Variants in OR5B12 observed in about 807,000 individuals in gnomAD.
The protein encoded by OR5B12 is olfactory receptor 5B12.
For synonymous variants in OR5B12, 154 were observed against 138.0 expected (o/e 1.12, Z -0.81); for missense variants, 418 against 377.0 (o/e 1.11, Z -0.90).
In OR5B12 at chr11:58,439,911, C is replaced by T; in HGVS notation, c.241G>A (p.Val81Met). 6.2e-7 allele frequency: 1 copy of T among 1,614,086 alleles called. No homozygotes were observed. The highest frequency in any genetic ancestry group is 8.5e-7 in the Non-Finnish European group (1 of 1,180,018). ...YSSAVTPKVM[V>M]GFLTGDKFIL... ...AATTTGTCTCCTGTGAGAAACCCCA[C>T]CATCACCTTGGGAGTGACAGCTGAG... Residue 81 changes from valine to methionine, a missense_variant, in exon 2 of 2, where the codon GTG becomes ATG. Physicochemically the swap from Val to Met is conservative, Grantham distance 21. Transcript: ENST00000641921.
intron 1 of OR5B12, among the ~76,000 whole-genome samples, chr11:58,441,054 C>T: frequency 6.6e-6 from 1 of 151,812 alleles, no homozygotes; most frequent in East Asian, 1.9e-4. Flanking sequence ...CTTATTTGCT[C>T]AGAACTGTGT....
rs1855483961 is a variant in OR5B12, at chr11:58,440,023, C to T, written c.129G>A (p.Met43Ile). Residue 43 changes from methionine to isoleucine, a missense_variant, in exon 2 of 2, where the codon ATG becomes ATA. Met to Ile is a conservative substitution (Grantham distance 10). Transcript: ENST00000641921. Reference sequence around the variant, plus strand: ...AGGAGTCCAGTAGAATCAATTCAATCATCCCCAGGTTCCCAACCAGAGTGA... The same window carrying T: ...AGGAGTCCAGTAGAATCAATTCAATTATCCCCAGGTTCCCAACCAGAGTGA... ...YLITLVGNLG[M>I]IELILLDSCL... The T allele has an allele frequency of 8.1e-6, 13 of 1,614,114 alleles. No homozygotes were observed. Among genetic ancestry groups the T allele is most frequent in the Non-Finnish European group, 1.1e-5 (13 of 1,180,006 alleles).
At position 58,442,172 on chromosome 11, in the gene OR5B12, A is replaced by G. The variant is rs1187084353; in HGVS notation, c.-146T>C. ...GAGACTGTTCTTTAGCGTTTGGCCA[A>G]AAGGCTTAAAGTTCTTTAGAGGCAG... On this transcript the variant is annotated 5_prime_UTR_variant, in exon 1 of 2. Transcript: ENST00000641921. The G allele has an allele frequency of 2.0e-5, 3 of 152,202 alleles. No homozygotes were observed. The highest frequency in any genetic ancestry group is 2.9e-5 in the Non-Finnish European group (2 of 68,008). The allele number at this position is 152,202 out of a possible 1,614,324, so 9.4% of individuals were successfully genotyped here. A position where few individuals can be genotyped will look rare whatever the true frequency, so the allele number is the denominator to read the frequency against.
In OR5B12 at chr11:58,439,047, C is replaced by CA. The variant is rs1174718668; in HGVS notation, c.*159dup. ...ATTTAAAATGTCCAGATTTTAACAACAAAAAAAGTGTCACTTAAAGAATGA... is the reference window on the plus strand; with the variant it reads ...ATTTAAAATGTCCAGATTTTAACAACAAAAAAAAGTGTCACTTAAAGAATGA... On this transcript the variant is annotated 3_prime_UTR_variant, in exon 2 of 2. Coordinates refer to ENST00000641921, the MANE Select transcript of OR5B12 (RefSeq NM_001004733.3). 6.8e-5 allele frequency: 29 copies of CA among 429,142 alleles called. No individual in the cohort carries two copies. Among genetic ancestry groups the CA allele is most frequent in the Middle Eastern group, 6.2e-4 (1 of 1,616 alleles). 26.6% of individuals were successfully genotyped at this position (429,142 alleles called of 1,614,324 possible).
Position 58,440,074 on chromosome 11 carries a change from G to C in OR5B12, c.78C>G (p.Phe26Leu), listed in dbSNP as rs138303293. The change falls in exon 2 of 2, where the codon TTC becomes TTG. Residue 26 changes from phenylalanine (F) to leucine (L), a missense_variant. Transcript: ENST00000641921. ...TDDPELQIPL[F>L]IVFLFIYLIT... ...TGAGGTAGATGAAAAGGAAGACTATGAAGAGTGGGATCTGCAGTTCTGGGT... is the reference window on the plus strand; with the variant it reads ...TGAGGTAGATGAAAAGGAAGACTATCAAGAGTGGGATCTGCAGTTCTGGGT... 1 of 1,614,090 alleles carries C rather than the reference G, an allele frequency of 6.2e-7. No homozygotes were observed. The highest frequency in any genetic ancestry group is 8.5e-7 in the Non-Finnish European group (1 of 1,179,956).
chr11:58,439,410 T>A lies in OR5B12; in HGVS notation c.742A>T (p.Ile248Phe). Residue 248 changes from isoleucine to phenylalanine, a missense_variant, in exon 2 of 2, where the codon ATC (isoleucine) becomes TTC (phenylalanine). Transcript: ENST00000641921. ...ATAAAGATTCCTGTCCCATAAAAGA[T>A]GGAAACTGCAGTAAGGTGGGAAGCA... ...TCASHLTAVS[I>F]FYGTGIFMYL... The A allele has an allele frequency of 1.2e-6, 2 of 1,613,976 alleles. No homozygotes were observed. The highest frequency in any genetic ancestry group is 1.7e-6 in the Non-Finnish European group (2 of 1,179,996).
At chr11:58,441,704 T>G (rs1590718044) in intron 1 of OR5B12, among the ~76,000 whole-genome samples, 3 of 152,184 alleles carry the variant, frequency 2.0e-5, no homozygotes. Context: ...TTTAAAATAT[T>G]ATGTAAAATT....
Position 58,439,204 on chromosome 11 carries a change from T to A in OR5B12, c.*3A>T. The A allele has an allele frequency of 6.9e-7, 1 of 1,456,846 alleles. No homozygotes were observed. Among genetic ancestry groups the A allele is most frequent in the Non-Finnish European group, 9.4e-7 (1 of 1,067,940 alleles). 90.2% of individuals were successfully genotyped at this position (1,456,846 alleles called of 1,614,324 possible). ...AAATTATCTTATTGTGAATTCTTTA[T>A]AATTAAAATATGAATCCTATAGAGG... On this transcript the variant is annotated 3_prime_UTR_variant, in exon 2 of 2. Coordinates refer to ENST00000641921, the MANE Select transcript of OR5B12 (RefSeq NM_001004733.3).
chr11:58,439,868 C>A lies in OR5B12; in HGVS notation c.284G>T (p.Cys95Phe). The A allele has an allele frequency of 6.2e-7, 1 of 1,614,128 alleles. No homozygotes were observed. The highest frequency in any genetic ancestry group is 8.5e-7 in the Non-Finnish European group (1 of 1,180,038). Reference protein sequence around the residue: ...TGDKFILYNACATQFFFFVAF... With the variant: ...TGDKFILYNAFATQFFFFVAF... ...TACAAAGAAGAAGAATTGTGTGGCA[C>A]AAGCATTATATAATATGAATTTGTC... is the stretch of plus-strand genomic sequence containing the variant. The change falls in exon 2 of 2, where the codon TGT (cysteine) becomes TTT (phenylalanine). Residue 95 changes from cysteine to phenylalanine, a missense_variant. Coordinates refer to ENST00000641921, the MANE Select transcript of OR5B12 (RefSeq NM_001004733.3).
intron 1 of OR5B12, 142 bp from the exon 2 acceptor site, chr11:58,440,312 G>T: frequency 1.9e-6 from 1 of 514,830 alleles, no homozygotes; most frequent in East Asian, 3.0e-5. Context: ...GCCCATGACC[G>T]CAAAATGCAA....
chr11:58,439,757 G>T lies in OR5B12; in HGVS notation c.395C>A (p.Thr132Asn). ...AALCKPLHYT[T>N]TMTTNVCACL... is the part of the protein sequence containing the mutation. Reference sequence around the variant, plus strand: ...AGCACATACATTTGTTGTCATGGTGGTGGTGTAATGCAGGGGTTTACACAA... The same window carrying T: ...AGCACATACATTTGTTGTCATGGTGTTGGTGTAATGCAGGGGTTTACACAA... The change falls in exon 2 of 2, where the codon ACC becomes AAC. Residue 132 changes from threonine to asparagine, a missense_variant. Coordinates refer to ENST00000641921, the MANE Select transcript of OR5B12 (RefSeq NM_001004733.3). 1 of 1,614,216 alleles carries T rather than the reference G, an allele frequency of 6.2e-7. No individual in the cohort carries two copies. The highest frequency in any genetic ancestry group is 8.5e-7 in the Non-Finnish European group (1 of 1,180,040).
At position 58,439,009 on chromosome 11, in the gene OR5B12, G is replaced by C. The variant is rs1252086904; in HGVS notation, c.*198C>G. Reference sequence around the variant, plus strand: ...AGGAGAGATCTGATTTTTAGAATATGCTATTTTTTATTATTTAAAATGTCC... The same window carrying C: ...AGGAGAGATCTGATTTTTAGAATATCCTATTTTTTATTATTTAAAATGTCC... On this transcript the variant is annotated 3_prime_UTR_variant, in exon 2 of 2. Coordinates refer to ENST00000641921, the MANE Select transcript of OR5B12 (RefSeq NM_001004733.3). 5.4e-6 allele frequency: 2 copies of C among 372,368 alleles called. No individual in the cohort carries two copies. The highest frequency in any genetic ancestry group is 9.6e-6 in the Non-Finnish European group (2 of 208,986). 23.1% of individuals were successfully genotyped at this position (372,368 alleles called of 1,614,324 possible).
Position 58,439,374 on chromosome 11 carries a change from G to T in OR5B12, c.778C>A (p.Pro260Thr). 1 of 1,614,060 alleles carries T rather than the reference G, an allele frequency of 6.2e-7. No homozygotes were observed. Reference protein sequence around the residue: ...YGTGIFMYLRPNSSHFMGTDK... With the variant: ...YGTGIFMYLRTNSSHFMGTDK... ...GTGCCCATGAAATGGCTGGAGTTAG[G>T]TCGTAAGTACATAAAGATTCCTGTC... Residue 260 changes from proline to threonine, a missense_variant, in exon 2 of 2, where the codon CCT becomes ACT. Pro to Thr is a conservative substitution (Grantham distance 38, BLOSUM62 -1). Coordinates refer to ENST00000641921, the MANE Select transcript of OR5B12 (RefSeq NM_001004733.3).
rs1244483308 is a variant in OR5B12, at chr11:58,439,307, A to T, written c.845T>A (p.Met282Lys). The change falls in exon 2 of 2, where the codon ATG becomes AAG. Residue 282 changes from methionine to lysine, a missense_variant. Physicochemically the swap from Met to Lys is moderately conservative, Grantham distance 95. Transcript: ENST00000641921. Reference protein sequence around the residue: ...ASVFYAIVIPMLNPLVYSLRN... With the variant: ...ASVFYAIVIPKLNPLVYSLRN... ...CAGGCTGTAGACCAGTGGATTCAAC[A>T]TGGGAATGACTATGGCATAGAACAC... 3.1e-6 allele frequency: 5 copies of T among 1,613,876 alleles called. No homozygotes were observed. Among genetic ancestry groups the T allele is most frequent in the Non-Finnish European group, 4.2e-6 (5 of 1,179,928 alleles).
intron 1 of OR5B12, among the ~76,000 whole-genome samples, chr11:58,440,782 T>C (rs115945074): frequency 0.033 from 5,022 of 152,186 alleles, 129 homozygotes; most frequent in Non-Finnish European, 0.052. Flanking sequence ...CTTAAAAAAA[T>C]CTTCAAAAAG....
chr11:58,441,471 A>T (rs1357901929), intron 1 of OR5B12, among the ~76,000 whole-genome samples: 1 of 152,142 alleles, frequency 6.6e-6, no homozygotes, highest in Admixed American at 6.5e-5. Flanking sequence ...AAGTAATGCA[A>T]TCTTATTCTT....
rs1855473412 is a variant in OR5B12 at position 58,439,541 on chromosome 11, T to C, written c.611A>G (p.Asn204Ser). ...EMVIFFVVGFNDLFSILVILI... is the reference protein window; with the variant it reads ...EMVIFFVVGFSDLFSILVILI... ...GATTACCAGGATAGAAAAGAGGTCA[T>C]TGAATCCCACCACAAAAAAAATAAC... Residue 204 changes from asparagine to serine, a missense_variant, in exon 2 of 2, where the codon AAT (asparagine) becomes AGT (serine). Asn to Ser is a conservative substitution (Grantham distance 46, BLOSUM62 1). Coordinates refer to ENST00000641921, the MANE Select transcript of OR5B12 (RefSeq NM_001004733.3). The C allele has an allele frequency of 3.7e-6, 6 of 1,613,442 alleles. No individual in the cohort carries two copies. In the South Asian group the frequency reaches 4.4e-5, roughly 12 times the overall value.
At chr11:58,440,529 T>A (rs888517336) in intron 1 of OR5B12, among the ~76,000 whole-genome samples, 3 of 152,104 alleles carry the variant, frequency 2.0e-5, no homozygotes, top group Non-Finnish European at 4.4e-5. Flanking sequence ...CAAAGAAAAA[T>A]TCCTTTAAAT....
In OR5B12 at chr11:58,439,864, G is replaced by T; in HGVS notation, c.288C>A (p.Ala96=). Residue 96 remains alanine (A), a synonymous_variant, in exon 2 of 2, where the codon GCC becomes GCA. Coordinates refer to ENST00000641921, the MANE Select transcript of OR5B12 (RefSeq NM_001004733.3). ...GDKFILYNAC[A]TQFFFFVAFI... ...AGGCTACAAAGAAGAAGAATTGTGT[G>T]GCACAAGCATTATATAATATGAATT... is the stretch of plus-strand genomic sequence containing the variant. The T allele has an allele frequency of 6.2e-7, 1 of 1,614,154 alleles. No homozygotes were observed. Among genetic ancestry groups the T allele is most frequent in the Non-Finnish European group, 8.5e-7 (1 of 1,180,038 alleles).
Sources: allele counts gnomAD v4.1 joint callset (sites outside exome capture counted in the v4.1 genomes callset), GRCh38; gene constraint gnomAD v4.1.1; transcripts MANE v1.5; gene names NCBI Gene and HGNC (gene_info 2026-07-23, HGNC 2026-07-21).